Variants in CATSPERB observed in about 807,000 individuals in gnomAD.
CATSPERB encodes the protein cation channel sperm-associated auxiliary subunit beta.
In CATSPERB, 93 loss-of-function variants were observed where a neutral mutation model predicts 128.3. The observed-to-expected ratio is 0.72, with a 90% CI of 0.61 to 0.86. The LOEUF (loss-of-function observed/expected upper bound fraction) is 0.86. Ranked by LOEUF, CATSPERB falls within the 40% of genes least tolerant of loss-of-function variation. CATSPERB has a pLI of 0.00. For synonymous variants in CATSPERB, 381 were observed against 448.8 expected (o/e 0.85, Z 1.91); for missense variants, 1,153 against 1,329.5 (o/e 0.87, Z 2.06).
chr14:91,701,276 G>A (rs1222266819), intron 7 of CATSPERB, among the ~76,000 whole-genome samples: 1 of 152,194 alleles, frequency 6.6e-6, no homozygotes, highest in African/African-American at 2.4e-5. Flanking sequence ...AAGAGGACAG[G>A]AGTAGTGATT....
Position 91,615,707 on chromosome 14 carries a change from A to G in CATSPERB, c.2400+1890T>C, listed in dbSNP as rs190961490. Among the ~76,000 whole-genome samples, 20 of 152,274 alleles carry G rather than the reference A, an allele frequency of 1.3e-4. 1 individual carries two copies. Among genetic ancestry groups the G allele is most frequent in the South Asian group, 1.0e-3 (5 of 4,826 alleles). ...TCTTTATCCATTCATCTCTTAATGAACTTTTAGGTTGACCCGGTAACTTGG... is the reference window on the plus strand; with the variant it reads ...TCTTTATCCATTCATCTCTTAATGAGCTTTTAGGTTGACCCGGTAACTTGG... On this transcript the variant is annotated intron_variant, in intron 20 of 26. Transcript: ENST00000256343.
At chr14:91,674,289 G>T in intron 11 of CATSPERB, 67 bp from the exon 12 acceptor site, 2 of 852,256 alleles carry the variant, frequency 2.3e-6, no homozygotes, top group Non-Finnish European at 3.8e-6. Flanking sequence ...GGAAGGGTTA[G>T]TCTTAATAGT....
chr14:91,716,715 A>ACGCG (rs146256317), intron 5 of CATSPERB, among the ~76,000 whole-genome samples: 2 of 113,852 alleles, frequency 1.8e-5, no homozygotes, highest in African/African-American at 8.4e-5. Context: ...ACAAGCATAC[A>ACGCG]CACACACACA....
intron 5 of CATSPERB, among the ~76,000 whole-genome samples, chr14:91,718,505 C>T (rs569849197): frequency 2.6e-5 from 4 of 152,258 alleles, no homozygotes; most frequent in Non-Finnish European, 5.9e-5. Flanking sequence ...TCCATATTTG[C>T]TTGGTGCACA....
intron 3 of CATSPERB, 123 bp downstream of exon 3, chr14:91,724,957 A>T (rs1278051859): frequency 9.7e-6 from 4 of 413,792 alleles, no homozygotes; most frequent in African/African-American, 8.2e-5. Context: ...TTTATATAGA[A>T]TTTTCCCTCC....
chr14:91,620,470 C>T (rs1409683489), intron 19 of CATSPERB, among the ~76,000 whole-genome samples: 2 of 152,070 alleles, frequency 1.3e-5, no homozygotes, highest in Non-Finnish European at 2.9e-5. Flanking sequence ...TTCTTCTTTT[C>T]CTTGCCCTTT....
intron 20 of CATSPERB, 132 bp downstream of exon 20, chr14:91,617,465 G>GTAACCC (rs1420241995): frequency 7.1e-6 from 4 of 561,624 alleles, no homozygotes; most frequent in African/African-American, 2.0e-5. Context: ...ATTTATCCTT[G>GTAACCC]TAACCCTATA....
intron 4 of CATSPERB, among the ~76,000 whole-genome samples, chr14:91,721,901 G>C (rs773712282): frequency 1.1e-4 from 16 of 151,526 alleles, no homozygotes; most frequent in Non-Finnish European, 2.1e-4. Flanking sequence ...AGGATGTGGA[G>C]AGACGGGAAC....
chr14:91,604,966 T>A (rs1893673989), intron 22 of CATSPERB: 1 of 1,175,994 alleles, frequency 8.5e-7, no homozygotes. Flanking sequence ...GGCTGAAGTA[T>A]TTCTGTCCCT....
intron 22 of CATSPERB, among the ~76,000 whole-genome samples, chr14:91,604,030 C>CTTCT (rs1160309631): frequency 5.8e-5 from 8 of 136,960 alleles, no homozygotes; most frequent in African/African-American, 1.6e-4. Flanking sequence ...CTCTCTCTCT[C>CTTCT]TTCTTTCTTT....
intron 3 of CATSPERB, among the ~76,000 whole-genome samples, chr14:91,724,580 G>C (rs1387707289): frequency 6.6e-6 from 1 of 152,034 alleles, no homozygotes; most frequent in Admixed American, 6.6e-5. Flanking sequence ...ATTTTTGTTA[G>C]TATTTGCTGC....
Position 91,731,326 on chromosome 14 carries a change from T to C in CATSPERB, c.-1+604A>G, listed in dbSNP as rs569658501. 2.0e-5 allele frequency among the ~76,000 whole-genome samples: 3 copies of C among 152,340 alleles called. No homozygotes were observed. In the East Asian group the frequency reaches 5.8e-4, roughly 29 times the overall value. On this transcript the variant is annotated intron_variant, in intron 1 of 26. Coordinates refer to ENST00000256343, the MANE Select transcript of CATSPERB (RefSeq NM_024764.4). ...GGGCATAGTTCCAGTCTCATTCTTC[T>C]TATTTTCCCTTCAATATTACAACTT...
intron 17 of CATSPERB, among the ~76,000 whole-genome samples, chr14:91,628,058 G>A (rs141457994): frequency 2.3e-4 from 35 of 152,216 alleles, no homozygotes; most frequent in African/African-American, 8.2e-4. Flanking sequence ...CTGGTGGGAG[G>A]GGGCAAAGAG....
chr14:91,636,416 T>G lies in CATSPERB; in HGVS notation c.1742+9A>C. The G allele has an allele frequency of 6.2e-7, 1 of 1,610,856 alleles. No individual in the cohort carries two copies. Among genetic ancestry groups the G allele is most frequent in the Non-Finnish European group, 8.5e-7 (1 of 1,178,522 alleles). On this transcript the variant is annotated intron_variant, in intron 17 of 26. Coordinates refer to ENST00000256343, the MANE Select transcript of CATSPERB (RefSeq NM_024764.4). ...CCAATATGCCATCTAAATAAATGCA[T>G]ATCACTACCCAGAGTGTATCACTTT...
rs892239255 is a variant in CATSPERB, at chr14:91,624,051, GA to G, written c.1930+768del. Among the ~76,000 whole-genome samples, 18 of 151,704 alleles carry G rather than the reference GA, an allele frequency of 1.2e-4. No individual in the cohort carries two copies. The East Asian group carries it at 2.3e-3, about 20-fold the overall frequency. The stretch of plus-strand genomic sequence containing the variant: ...GTTATAGCTATATTTTATTATATTA[GA>G]AAAAAAAATCTTGGGCAGAGTGTGG... On this transcript the variant is annotated intron_variant, in intron 18 of 26. Coordinates refer to ENST00000256343, the MANE Select transcript of CATSPERB (RefSeq NM_024764.4).
Position 91,672,852 on chromosome 14 carries a change from G to T in CATSPERB, c.1128+15C>A. ...GTCATGTCAAGATAAATTCCCTCTG[G>T]GATATAAGGCCTACCTTGTTATAGA... On this transcript the variant is annotated intron_variant, in intron 13 of 26. Transcript: ENST00000256343. The T allele has an allele frequency of 1.3e-6, 2 of 1,517,884 alleles. No homozygotes were observed. The highest frequency in any genetic ancestry group is 8.8e-7 in the Non-Finnish European group (1 of 1,141,384). 94.0% of individuals were successfully genotyped at this position (1,517,884 alleles called of 1,614,324 possible).
At chr14:91,615,473 G>C (rs1431948022) in intron 20 of CATSPERB, among the ~76,000 whole-genome samples, 1 of 152,124 alleles carries the variant, frequency 6.6e-6, no homozygotes, top group East Asian at 1.9e-4. Flanking sequence ...CTCCAGCTCT[G>C]TAACCACCAT....
Position 91,704,701 on chromosome 14 carries a change from T to A in CATSPERB, c.467A>T (p.Glu156Val). 6.2e-7 allele frequency: 1 copy of A among 1,609,644 alleles called. No homozygotes were observed. Among genetic ancestry groups the A allele is most frequent in the Non-Finnish European group, 8.5e-7 (1 of 1,178,422 alleles). Residue 156 changes from glutamate to valine, a missense_variant and splice_region_variant, in exon 7 of 27, where the codon GAA becomes GTA. Glu to Val is a moderately radical substitution (Grantham distance 121). Coordinates refer to ENST00000256343, the MANE Select transcript of CATSPERB (RefSeq NM_024764.4). ...CCCAGGAGTCCACTGAAGAATCGGT[T>A]CTGTGGAAATCAAATTTGGGTGTTT... Reference protein sequence around the residue: ...TEGTLLDVIREPILQWTPGDV... With the variant: ...TEGTLLDVIRVPILQWTPGDV...
intron 9 of CATSPERB, 61 bp from the exon 10 acceptor site, chr14:91,691,616 G>A: frequency 1.6e-6 from 2 of 1,268,398 alleles, no homozygotes; most frequent in Admixed American, 2.0e-5. Context: ...ACAAAACATA[G>A]CAATTTAAAT....
Sources: gnomAD v4.1 joint callset for allele counts (sites outside exome capture counted in the v4.1 genomes callset) on GRCh38, gnomAD v4.1.1 for gene constraint, MANE v1.5 for transcripts, NCBI Gene and HGNC (gene_info 2026-07-23, HGNC 2026-07-21) for gene names.